ASAP2: variants seen among roughly 807,000 people sequenced by gnomAD.
The protein encoded by ASAP2 is arf-GAP with SH3 domain, ANK repeat and PH domain-containing protein 2.
In ASAP2, 45 loss-of-function variants were observed where a neutral mutation model predicts 131.4. That is an observed-to-expected ratio of 0.34 (90% CI 0.27 to 0.44). The LOEUF (loss-of-function observed/expected upper bound fraction) is 0.44, where lower values mean the gene tolerates loss of function less well. ASAP2 is among the 20% of genes least tolerant of loss of function. The pLI is 1.00. For missense variants in ASAP2, 1,011 were observed against 1,297.0 expected (o/e 0.78, Z 3.39); for synonymous variants, 510 against 503.0 (o/e 1.01, Z -0.19).
intron 2 of ASAP2, among the ~76,000 whole-genome samples, chr2:9,280,732 A>G (rs1163996793): frequency 6.6e-6 from 1 of 152,188 alleles, no homozygotes; most frequent in Non-Finnish European, 1.5e-5. Context: ...TCTAAAACTG[A>G]TACAGAAGGT....
At chr2:9,331,898 A>C (rs1670865035) in intron 7 of ASAP2, among the ~76,000 whole-genome samples, 1 of 152,162 alleles carries the variant, frequency 6.6e-6, no homozygotes, top group Admixed American at 6.5e-5. Context: ...GGTCAAGATA[A>C]GGCTCAGCCC....
At chr2:9,286,447 A>AAAAATAAATAAATATATAT (rs58605449) in intron 2 of ASAP2, among the ~76,000 whole-genome samples, 1 of 148,420 alleles carries the variant, frequency 6.7e-6, no homozygotes, top group African/African-American at 2.5e-5. Context: ...GAAAAAAAAA[A>AAAAATAAATAAATATATAT]ATATATATAT....
intron 15 of ASAP2, among the ~76,000 whole-genome samples, chr2:9,364,770 GC>G (rs1673331042): frequency 6.6e-6 from 1 of 152,156 alleles, no homozygotes; most frequent in African/African-American, 2.4e-5. Context: ...GATACTAAAA[GC>G]AATTGCTTAG....
At position 9,213,466 on chromosome 2, in the gene ASAP2, A is replaced by G. The variant is rs1226750687; in HGVS notation, c.126+6236A>G. On this transcript the variant is annotated intron_variant, in intron 1 of 27. Transcript: ENST00000281419. ...AGCTGTTGAAGGGTTTTGAGCAGGG[A>G]ATAACATGGTCCGATATCCATTTTA... Among the ~76,000 whole-genome samples the G allele has an allele frequency of 2.0e-5, 3 of 152,254 alleles. No individual in the cohort carries two copies. In the East Asian group the frequency reaches 5.8e-4, roughly 29 times the overall value.
At position 9,212,918 on chromosome 2, in the gene ASAP2, A is replaced by G. The variant is rs139197875; in HGVS notation, c.126+5688A>G. Among the ~76,000 whole-genome samples the G allele has an allele frequency of 2.8e-3, 432 of 152,346 alleles. 1 individual carries two copies. Among genetic ancestry groups the G allele is most frequent in the Middle Eastern group, 0.01 (3 of 294 alleles). On this transcript the variant is annotated intron_variant, in intron 1 of 27. Coordinates refer to ENST00000281419, the MANE Select transcript of ASAP2 (RefSeq NM_003887.3). The stretch of plus-strand genomic sequence containing the variant: ...CTGTTCGAGACGGAACCCCGGCTGC[A>G]CACTGGAGTTGCTTGGGCGTTTGTG...
At chr2:9,294,727 G>A (rs7583915) in intron 2 of ASAP2, among the ~76,000 whole-genome samples, 52,568 of 152,040 alleles carry the variant, frequency 0.35, 9,335 homozygotes, top group African/African-American at 0.39. Flanking sequence ...CTTGGTTTGA[G>A]GGACACCACG....
intron 24 of ASAP2, among the ~76,000 whole-genome samples, chr2:9,396,399 G>T (rs929118986): frequency 2.0e-5 from 3 of 151,878 alleles, no homozygotes; most frequent in African/African-American, 4.8e-5. Flanking sequence ...CTCAGCCTCC[G>T]CATAGCTGGG....
At chr2:9,388,641 T>C in intron 22 of ASAP2, 95 bp downstream of exon 22, 1 of 1,484,070 alleles carries the variant, frequency 6.7e-7, no homozygotes, top group Admixed American at 2.7e-5. Context: ...TCAGTGACCT[T>C]TGGGCTCTTT....
chr2:9,320,740 T>A (rs955317167), intron 5 of ASAP2, among the ~76,000 whole-genome samples: 2 of 152,234 alleles, frequency 1.3e-5, no homozygotes, highest in African/African-American at 4.8e-5. Flanking sequence ...TAGCTTTGTA[T>A]CTGTGTTTCT....
chr2:9,367,647 G>A (rs1456811254), intron 15 of ASAP2, among the ~76,000 whole-genome samples: 4 of 152,060 alleles, frequency 2.6e-5, no homozygotes, highest in Admixed American at 1.3e-4. Flanking sequence ...TATAGTCCCC[G>A]CTGCTTGGGA....
At chr2:9,263,943 G>A (rs1457747946) in intron 1 of ASAP2, among the ~76,000 whole-genome samples, 1 of 152,058 alleles carries the variant, frequency 6.6e-6, no homozygotes, top group African/African-American at 2.4e-5. Flanking sequence ...TGTAATCCCA[G>A]CACTTTAGGA....
chr2:9,302,139 T>TTTC (rs1553308148), intron 3 of ASAP2, among the ~76,000 whole-genome samples: 10 of 137,414 alleles, frequency 7.3e-5, no homozygotes, highest in Non-Finnish European at 1.3e-4. Flanking sequence ...TTTTTTTTTT[T>TTTC]CCCAAACACA....
rs904984944 is a variant in ASAP2, at chr2:9,217,411, C to T, written c.126+10181C>T. 6.6e-6 allele frequency among the ~76,000 whole-genome samples: 1 copy of T among 152,188 alleles called. No homozygotes were observed. Among genetic ancestry groups the T allele is most frequent in the Non-Finnish European group, 1.5e-5 (1 of 68,036 alleles). ...ACACCCTGGCAGGAGGCCTTCCCTG[C>T]TAACAGTGTTAATAACGATGTCATT... is the stretch of plus-strand genomic sequence containing the variant. On this transcript the variant is annotated intron_variant, in intron 1 of 27. Coordinates refer to ENST00000281419, the MANE Select transcript of ASAP2 (RefSeq NM_003887.3). The surrounding 1 kb of genome is among the most constrained non-coding windows in gnomAD (Gnocchi z 4.0).
At chr2:9,323,703 C>G (rs761414693) in intron 6 of ASAP2, among the ~76,000 whole-genome samples, 5 of 152,184 alleles carry the variant, frequency 3.3e-5, no homozygotes, top group Admixed American at 6.5e-5. Flanking sequence ...CCTGTTTTGA[C>G]TTCCTGCTAG....
chr2:9,248,025 A>G (rs141636809), intron 1 of ASAP2, among the ~76,000 whole-genome samples: 1 of 152,356 alleles, frequency 6.6e-6, no homozygotes, highest in African/African-American at 2.4e-5. Flanking sequence ...ACTGGAAGTC[A>G]ACAGAAAAGG....
intron 1 of ASAP2, among the ~76,000 whole-genome samples, chr2:9,253,473 G>A (rs1015108963): frequency 2.0e-5 from 3 of 152,118 alleles, no homozygotes; most frequent in African/African-American, 4.8e-5. Context: ...CAAAATTCAC[G>A]TTTTAAATGT....
chr2:9,400,213 G>GCCCCCTGC, intron 25 of ASAP2, 141 bp downstream of exon 25: 1 of 656,782 alleles, frequency 1.5e-6, no homozygotes, highest in Non-Finnish European at 2.3e-6. Flanking sequence ...CTCCCCTCCT[G>GCCCCCTGC]CCCCCTCCCC....
At chr2:9,370,384 A>G (rs569548279) in intron 16 of ASAP2, among the ~76,000 whole-genome samples, 29 of 152,190 alleles carry the variant, frequency 1.9e-4, no homozygotes, top group Non-Finnish European at 3.2e-4. Context: ...GTGGTGTCGC[A>G]TTTCCTTGAG....
chr2:9,385,788 C>G (rs1047455205), intron 21 of ASAP2, among the ~76,000 whole-genome samples: 1 of 152,188 alleles, frequency 6.6e-6, no homozygotes. Context: ...TGGGTCCAAC[C>G]CCTTCCTTTA....
Sources: allele counts gnomAD v4.1 joint callset (sites outside exome capture counted in the v4.1 genomes callset), GRCh38; gene constraint gnomAD v4.1.1; non-coding constraint Gnocchi (gnomAD v3.1); transcripts MANE v1.5; gene names NCBI Gene and HGNC (gene_info 2026-07-23, HGNC 2026-07-21).